Variants in LEPR observed in about 807,000 individuals in gnomAD.
LEPR encodes OB receptor.
LEPR carries 56 observed loss-of-function variants against 114.7 expected under a neutral mutation model. The ratio of observed to expected loss-of-function variants is 0.49; its 90% CI spans 0.39 to 0.61. The LOEUF is 0.61. Among genes scored for constraint, LEPR ranks in the 20% least tolerant of loss-of-function variants. LEPR has a pLI of 0.00. For synonymous variants in LEPR, 443 were observed against 461.4 expected (o/e 0.96, Z 0.51); for missense variants, 1,202 against 1,352.9 (o/e 0.89, Z 1.75).
intron 2 of LEPR, among the ~76,000 whole-genome samples, chr1:65,485,829 C>G (rs893586609): frequency 2.0e-5 from 3 of 152,058 alleles, no homozygotes; most frequent in Non-Finnish European, 4.4e-5. Context: ...TCTGTACAGA[C>G]AGTACATCCA....
chr1:65,593,416 C>A (rs1367905176), intron 6 of LEPR, among the ~76,000 whole-genome samples: 1 of 151,970 alleles, frequency 6.6e-6, no homozygotes, highest in African/African-American at 2.4e-5. Context: ...GTGCAAAGAT[C>A]CCCCAAATCT....
chr1:65,539,095 A>T (rs1650990421), intron 2 of LEPR, among the ~76,000 whole-genome samples: 1 of 139,768 alleles, frequency 7.2e-6, no homozygotes. Flanking sequence ...GGGAAATGTT[A>T]ATTATGCATT....
intron 2 of LEPR, among the ~76,000 whole-genome samples, chr1:65,426,432 G>A (rs1646371536): frequency 6.6e-6 from 1 of 152,108 alleles, no homozygotes; most frequent in Non-Finnish European, 1.5e-5. Flanking sequence ...TTGAGAATGG[G>A]TTTGGAGGAG....
chr1:65,472,460 A>AATAT (rs150705878), intron 2 of LEPR, among the ~76,000 whole-genome samples: 2 of 122,234 alleles, frequency 1.6e-5, no homozygotes, highest in African/African-American at 5.4e-5. Context: ...GTATATATAT[A>AATAT]ATATATATAT....
chr1:65,496,596 A>G (rs1648171550), intron 2 of LEPR, among the ~76,000 whole-genome samples: 2 of 152,104 alleles, frequency 1.3e-5, no homozygotes, highest in Admixed American at 6.6e-5. Flanking sequence ...AACAAAAAAC[A>G]CTTTTACTTT....
intron 2 of LEPR, among the ~76,000 whole-genome samples, chr1:65,461,238 G>C (rs953794568): frequency 6.6e-6 from 1 of 151,942 alleles, no homozygotes; most frequent in African/African-American, 2.4e-5. Flanking sequence ...GCCTCCCAAA[G>C]TGCTGGGATT....
At chr1:65,507,437 TTGTGTG>T (rs141990947) in intron 2 of LEPR, among the ~76,000 whole-genome samples, 7 of 138,802 alleles carry the variant, frequency 5.0e-5, no homozygotes, top group South Asian at 2.4e-4. Context: ...TAGTATTCCA[TTGTGTG>T]TGTGTGTGTG....
intron 2 of LEPR, among the ~76,000 whole-genome samples, chr1:65,557,274 A>T (rs1176734737): frequency 6.6e-6 from 1 of 152,184 alleles, no homozygotes; most frequent in Admixed American, 6.5e-5. Flanking sequence ...TACAACCATA[A>T]GAAAAGTTAG....
chr1:65,460,311 C>T (rs553712724), intron 2 of LEPR, among the ~76,000 whole-genome samples: 61 of 152,284 alleles, frequency 4.0e-4, no homozygotes, highest in African/African-American at 1.3e-3. Context: ...CTCAGGTCCT[C>T]CTGATCACAG....
At chr1:65,569,656 G>A (rs549031139) in intron 3 of LEPR, among the ~76,000 whole-genome samples, 9 of 140,500 alleles carry the variant, frequency 6.4e-5, no homozygotes, top group African/African-American at 2.2e-4. Context: ...GCAGTGAGTC[G>A]AGATCATGCC....
intron 2 of LEPR, among the ~76,000 whole-genome samples, chr1:65,473,818 A>G (rs1647121134): frequency 6.6e-6 from 1 of 152,196 alleles, no homozygotes. Context: ...AACCCGTATG[A>G]TTGTTGTCAA....
intron 19 of LEPR, 186 bp downstream of exon 19, chr1:65,623,167 A>C (rs1657987336): frequency 3.2e-6 from 2 of 618,608 alleles, no homozygotes; most frequent in Admixed American, 3.0e-5. Context: ...AGGAAGAAAC[A>C]AATTTCAGCG....
chr1:65,632,797 T>C (rs1326823491), intron 19 of LEPR, among the ~76,000 whole-genome samples: 1 of 152,142 alleles, frequency 6.6e-6, no homozygotes, highest in African/African-American at 2.4e-5. Flanking sequence ...TCCTCTTTTA[T>C]TTTTTCTTGT....
chr1:65,547,356 T>G (rs1215663840), intron 2 of LEPR, among the ~76,000 whole-genome samples: 5 of 152,202 alleles, frequency 3.3e-5, no homozygotes, highest in African/African-American at 1.2e-4. Context: ...CTTTTTCTAT[T>G]GATTGGAGTT....
chr1:65,601,332 G>T, intron 8 of LEPR, 60 bp from the exon 9 acceptor site: 1 of 1,583,234 alleles, frequency 6.3e-7, no homozygotes. Context: ...TTTCGATGTG[G>T]TACAAATTAC....
Position 65,637,215 on chromosome 1 carries a change from A to T in LEPR, c.*200A>T, listed in dbSNP as rs1658748181. 4 of 509,836 alleles carry T rather than the reference A, an allele frequency of 7.8e-6. No homozygotes were observed. Among genetic ancestry groups the T allele is most frequent in the Non-Finnish European group, 1.4e-5 (4 of 295,664 alleles). 31.6% of individuals were successfully genotyped at this position (509,836 alleles called of 1,614,324 possible). A position where few individuals can be genotyped will look rare whatever the true frequency, so the allele number is the denominator to read the frequency against. ...CCTTCATAAGCCTACCAATGTAGAC[A>T]CGCTCTTCTATTTTATTCCCAAGCT... On this transcript the variant is annotated 3_prime_UTR_variant, in exon 20 of 20. Coordinates refer to ENST00000349533, the MANE Select transcript of LEPR (RefSeq NM_002303.6).
At chr1:65,509,771 T>G (rs571148443) in intron 2 of LEPR, among the ~76,000 whole-genome samples, 15 of 152,358 alleles carry the variant, frequency 9.8e-5, no homozygotes, top group South Asian at 4.1e-4. Flanking sequence ...CATTACTTTC[T>G]GTTTTCTGAC....
At chr1:65,588,303 A>AT (rs151102754) in intron 5 of LEPR, among the ~76,000 whole-genome samples, 22,373 of 150,254 alleles carry the variant, frequency 0.15, 1,885 homozygotes, top group Middle Eastern at 0.24. Context: ...GCTAATTATA[A>AT]TTTTTTTTTT....
At chr1:65,432,241 G>C in intron 2 of LEPR, 1 of 1,013,248 alleles carries the variant, frequency 9.9e-7, no homozygotes, top group Non-Finnish European at 1.2e-6. Flanking sequence ...TTTGCTTGGG[G>C]ATGTGCTTGG....
Sources: allele counts gnomAD v4.1 joint callset (sites outside exome capture counted in the v4.1 genomes callset), GRCh38; gene constraint gnomAD v4.1.1; transcripts MANE v1.5; gene names NCBI Gene and HGNC (gene_info 2026-07-23, HGNC 2026-07-21).